The following AGT variants were observed in gnomAD, a reference collection of about 807,000 sequenced individuals.
AGT encodes angiotensinogen.
Under a neutral mutation model 28.1 loss-of-function variants are expected in AGT, and 26 were observed. The observed-to-expected ratio is 0.92, with a 90% CI of 0.68 to 1.28. The LOEUF (loss-of-function observed/expected upper bound fraction) is 1.28. Among genes scored for constraint, AGT ranks in the 50% most tolerant of loss-of-function variants. The pLI is 0.00. For synonymous variants in AGT, 259 were observed against 259.6 expected, an observed-to-expected ratio of 1.00 and a Z score of 0.02; for missense variants, 596 against 592.3, an observed-to-expected ratio of 1.01 and a Z score of -0.06.
chr1:230,715,863 T>A (rs1663725725), upstream of AGT, among the ~76,000 whole-genome samples: 1 of 152,220 alleles, frequency 6.6e-6, no homozygotes, highest in South Asian at 2.1e-4. Context: ...GTTTCCACTG[T>A]GCCTGGGCCT....
upstream of AGT, among the ~76,000 whole-genome samples, chr1:230,719,430 CG>C (rs1330965701): frequency 1.5e-5 from 1 of 67,700 alleles, no homozygotes; most frequent in Non-Finnish European, 2.4e-5. Context: ...TTTTTTGAGA[CG>C]GAGTCTCGCT....
intron 1 of AGT, among the ~76,000 whole-genome samples, chr1:230,733,173 C>T (rs1423383621): frequency 6.6e-6 from 1 of 152,030 alleles, no homozygotes; most frequent in Non-Finnish European, 1.5e-5. Context: ...ATCCCAGCTA[C>T]TCAGGAGGCT....
At chr1:230,717,226 T>C (rs1485191523), upstream of AGT, among the ~76,000 whole-genome samples, 1 of 151,820 alleles carries the variant, frequency 6.6e-6, no homozygotes, top group Non-Finnish European at 1.5e-5. Flanking sequence ...CCTTTCTATA[T>C]AGACACAGTA....
intron 1 of AGT, among the ~76,000 whole-genome samples, chr1:230,739,563 T>C (rs1174534790): frequency 2.6e-5 from 4 of 151,968 alleles, no homozygotes; most frequent in Admixed American, 2.6e-4. Context: ...GGGCTCATCA[T>C]TAACGGGAAA....
At chr1:230,730,130 A>C (rs1323918645) in intron 1 of AGT, among the ~76,000 whole-genome samples, 2 of 151,958 alleles carry the variant, frequency 1.3e-5, no homozygotes, top group Non-Finnish European at 2.9e-5. Context: ...CTTGTTGGCC[A>C]GGCTGTTCTC....
intron 1 of AGT, among the ~76,000 whole-genome samples, chr1:230,711,640 A>G (rs1159094808): frequency 6.6e-6 from 1 of 151,892 alleles, no homozygotes; most frequent in Admixed American, 6.6e-5. Flanking sequence ...TGCAGCCGGG[A>G]TTGAGCACCA....
chr1:230,707,194 G>A (rs995736401), intron 2 of AGT, among the ~76,000 whole-genome samples: 3 of 152,246 alleles, frequency 2.0e-5, no homozygotes, highest in Non-Finnish European at 2.9e-5. Context: ...AAATTTGTGT[G>A]TGACGCAGTT....
Position 230,744,028 on chromosome 1 carries a change from GC to G in AGT, c.-31+1486del, listed in dbSNP as rs1664296557. Among the ~76,000 whole-genome samples, 3 of 152,342 alleles carry G rather than the reference GC, an allele frequency of 2.0e-5. No individual in the cohort carries two copies. In the South Asian group the frequency reaches 6.2e-4, roughly 32 times the overall value. On this transcript the variant is annotated intron_variant, in intron 1 of 4. Coordinates refer to the AGT transcript ENST00000681269. ...GAGAAGAAAATACACTTAACATGATGCATGGCCCCCGCTTGGCTCAAAGCTG... is the reference window on the plus strand; with the variant it reads ...GAGAAGAAAATACACTTAACATGATGATGGCCCCCGCTTGGCTCAAAGCTG...
intron 1 of AGT, among the ~76,000 whole-genome samples, chr1:230,726,473 A>G (rs1663944029): frequency 6.6e-6 from 1 of 151,772 alleles, no homozygotes; most frequent in Admixed American, 6.6e-5. Flanking sequence ...CTAATCCTCC[A>G]AATTTAAAAA....
chr1:230,719,339 A>G (rs1334570075), upstream of AGT, among the ~76,000 whole-genome samples: 1 of 151,928 alleles, frequency 6.6e-6, no homozygotes, highest in Admixed American at 6.6e-5. Context: ...ATATAAGATA[A>G]AGTTCTGGGA....
chr1:230,711,682 C>A (rs941528673), intron 1 of AGT, among the ~76,000 whole-genome samples: 7 of 152,114 alleles, frequency 4.6e-5, no homozygotes, highest in Non-Finnish European at 7.4e-5. Flanking sequence ...GTATTTCCCA[C>A]GTGTCTCAAC....
At chr1:230,722,541 G>T (rs1350097334) in intron 1 of AGT, among the ~76,000 whole-genome samples, 2 of 152,230 alleles carry the variant, frequency 1.3e-5, no homozygotes, top group Admixed American at 6.5e-5. Flanking sequence ...GCCAGGAAGG[G>T]GGCTGTGCCC....
In AGT at chr1:230,737,625, T is replaced by TATC. The variant is rs112652293; in HGVS notation, c.-31+7887_-31+7889dup. ...CTGCGCCCAGCCTGTTTATTATTAT[T>TATC]ATCATTATTGCTATCAAATCTCCCT... On this transcript the variant is annotated intron_variant, in intron 1 of 4. Coordinates refer to the AGT transcript ENST00000681269. 1.6e-3 allele frequency among the ~76,000 whole-genome samples: 246 copies of TATC among 152,288 alleles called. 3 individuals carry two copies. The highest frequency in any genetic ancestry group is 5.8e-3 in the African/African-American group (240 of 41,560).
chr1:230,738,843 G>T (rs1253543275), intron 1 of AGT, among the ~76,000 whole-genome samples: 1 of 152,094 alleles, frequency 6.6e-6, no homozygotes, highest in African/African-American at 2.4e-5. Context: ...TAAATCAAAT[G>T]AGATATTTTA....
At chr1:230,729,664 G>T (rs1664014053) in intron 1 of AGT, among the ~76,000 whole-genome samples, 1 of 152,152 alleles carries the variant, frequency 6.6e-6, no homozygotes, top group African/African-American at 2.4e-5. Context: ...TCACAAAGAT[G>T]TAAGAAGCTT....
At chr1:230,719,417 T>TG (rs1558291328), upstream of AGT, among the ~76,000 whole-genome samples, 2 of 104,418 alleles carry the variant, frequency 1.9e-5, no homozygotes, top group African/African-American at 3.9e-5. Context: ...TTTTTTTTTT[T>TG]TTTTTTTTGA....
chr1:230,724,575 G>A (rs1663902955), intron 1 of AGT, among the ~76,000 whole-genome samples: 1 of 148,416 alleles, frequency 6.7e-6, no homozygotes, highest in Non-Finnish European at 1.5e-5. Flanking sequence ...TGTAATACCA[G>A]CACTTTGGGA....
Position 230,710,557 on chromosome 1 carries a change from T to G in AGT, c.267A>C (p.Glu89Asp). Residue 89 changes from glutamate to aspartate, a missense_variant, in exon 2 of 5, where the codon GAA (glutamate) becomes GAC (aspartate). Transcript: ENST00000366667. Reference protein sequence around the residue: ...LVLVAAKLDTEDKLRAAMVGM... With the variant: ...LVLVAAKLDTDDKLRAAMVGM... ...CGACCATTGCGGCCCTCAACTTGTC[T>G]TCGGTGTCAAGTTTTGCAGCGACTA... 2 of 1,614,248 alleles carry G rather than the reference T, an allele frequency of 1.2e-6. No individual in the cohort carries two copies. Among genetic ancestry groups the G allele is most frequent in the Non-Finnish European group, 1.7e-6 (2 of 1,180,050 alleles).
chr1:230,736,892 C>T (rs939340949), intron 1 of AGT, among the ~76,000 whole-genome samples: 8 of 152,238 alleles, frequency 5.3e-5, no homozygotes, highest in East Asian at 1.9e-4. Flanking sequence ...CCCTGTTGTT[C>T]TTGAGTGGAG....
Sources: gnomAD v4.1 joint callset for allele counts (sites outside exome capture counted in the v4.1 genomes callset) on GRCh38, gnomAD v4.1.1 for gene constraint, MANE v1.5 for transcripts, NCBI Gene and HGNC (gene_info 2026-07-23, HGNC 2026-07-21) for gene names.